Variants in VDAC1 observed in about 807,000 individuals in gnomAD.
The protein encoded by VDAC1 is voltage dependent anion channel 1.
A neutral mutation model predicts 34.7 loss-of-function variants in VDAC1; 10 were observed. That is an observed-to-expected ratio of 0.29 (90% CI 0.18 to 0.49). The LOEUF (loss-of-function observed/expected upper bound fraction) is 0.49, where lower values mean the gene tolerates loss of function less well. VDAC1 is among the 20% of genes least tolerant of loss of function. The pLI is 0.99. For synonymous variants in VDAC1, 130 were observed against 136.0 expected, an observed-to-expected ratio of 0.96 and a Z score of 0.30; for missense variants, 230 against 347.9, an observed-to-expected ratio of 0.66 and a Z score of 2.69.
chr5:134,034,793 A>G, the VDAC1 span, among the ~76,000 whole-genome samples: 1 of 150,396 alleles, frequency 6.6e-6, no homozygotes, highest in East Asian at 2.0e-4. Context: ...AGCTGCGAGT[A>G]AGGAAAGGAG....
the VDAC1 span, among the ~76,000 whole-genome samples, chr5:134,011,952 A>G: frequency 6.6e-6 from 1 of 152,006 alleles, no homozygotes; most frequent in African/African-American, 2.4e-5. Context: ...CAGTTCTTAT[A>G]AGAGGAAGAC....
chr5:134,073,795 C>G, the VDAC1 span, among the ~76,000 whole-genome samples: 7 of 151,730 alleles, frequency 4.6e-5, no homozygotes, highest in Admixed American at 3.3e-4. Flanking sequence ...CTGAATAATA[C>G]ATATAACTCA....
chr5:134,001,467 C>T (rs910975093), intron 1 of VDAC1, among the ~76,000 whole-genome samples: 6 of 152,000 alleles, frequency 3.9e-5, no homozygotes, highest in Non-Finnish European at 7.4e-5. Flanking sequence ...CTGCAATCCC[C>T]GCACTTTAGG....
intron 5 of VDAC1, among the ~76,000 whole-genome samples, chr5:133,983,501 G>T (rs1415334899): frequency 6.6e-6 from 1 of 151,774 alleles, no homozygotes; most frequent in Non-Finnish European, 1.5e-5. Flanking sequence ...ATAGAATGAG[G>T]GTTAAACATA....
the VDAC1 span, among the ~76,000 whole-genome samples, chr5:134,080,921 G>GA: frequency 6.6e-6 from 1 of 151,840 alleles, no homozygotes; most frequent in Non-Finnish European, 1.5e-5. Flanking sequence ...CTCTTGCCCA[G>GA]GCTAGAGGGC....
the VDAC1 span, among the ~76,000 whole-genome samples, chr5:134,047,482 G>A: frequency 6.6e-6 from 1 of 152,180 alleles, no homozygotes; most frequent in East Asian, 1.9e-4. Flanking sequence ...ATGGGAGAGA[G>A]GACAAATGCT....
At chr5:134,078,321 CA>C in the VDAC1 span, among the ~76,000 whole-genome samples, 38 of 152,230 alleles carry the variant, frequency 2.5e-4, no homozygotes, top group African/African-American at 8.2e-4. Flanking sequence ...TGGGGCAGGA[CA>C]GGGGGGAGGC....
At chr5:134,085,113 G>A in the VDAC1 span, among the ~76,000 whole-genome samples, 1 of 150,398 alleles carries the variant, frequency 6.6e-6, no homozygotes, top group Non-Finnish European at 1.5e-5. Flanking sequence ...CTGCTGCCCA[G>A]GCTGGAGTGC....
chr5:134,086,038 C>CA, the VDAC1 span, among the ~76,000 whole-genome samples: 4 of 152,046 alleles, frequency 2.6e-5, no homozygotes, highest in African/African-American at 9.6e-5. Context: ...ACTAAAAATA[C>CA]AAAAAAATGT....
the VDAC1 span, among the ~76,000 whole-genome samples, chr5:134,044,258 G>A: frequency 6.6e-6 from 1 of 152,170 alleles, no homozygotes; most frequent in Non-Finnish European, 1.5e-5. Context: ...CTTGCTGGGG[G>A]CCAACTCAGA....
chr5:133,978,882 A>G (rs569977956), intron 6 of VDAC1, among the ~76,000 whole-genome samples: 3 of 152,218 alleles, frequency 2.0e-5, no homozygotes, highest in East Asian at 3.9e-4. Context: ...GTGTGGTGGC[A>G]TGCACCTGTA....
intron 1 of VDAC1, among the ~76,000 whole-genome samples, chr5:133,998,778 C>T (rs753759009): frequency 2.0e-5 from 3 of 152,214 alleles, no homozygotes; most frequent in Admixed American, 6.5e-5. Context: ...AAATCATGAG[C>T]AGGAAAGAGC....
chr5:134,040,352 G>A, the VDAC1 span, among the ~76,000 whole-genome samples: 623 of 152,172 alleles, frequency 4.1e-3, 5 homozygotes, highest in African/African-American at 0.012. Context: ...CGAGGTGGGC[G>A]GATCACGAGG....
chr5:134,078,352 T>G, the VDAC1 span, among the ~76,000 whole-genome samples: 1 of 151,954 alleles, frequency 6.6e-6, no homozygotes, highest in Non-Finnish European at 1.5e-5. Context: ...GGCTGAAAGT[T>G]GAGAGTTGGT....
chr5:134,053,616 C>T, the VDAC1 span, among the ~76,000 whole-genome samples: 1 of 152,206 alleles, frequency 6.6e-6, no homozygotes, highest in Non-Finnish European at 1.5e-5. Flanking sequence ...GACACCCCAT[C>T]CTGTCCCCCT....
chr5:134,058,475 G>A, the VDAC1 span, among the ~76,000 whole-genome samples: 11 of 151,898 alleles, frequency 7.2e-5, no homozygotes, highest in Non-Finnish European at 1.0e-4. Flanking sequence ...CACCACACCC[G>A]GCTAATTTTT....
rs370824654 is a variant in VDAC1, at chr5:133,972,880, A to G, written c.761-18T>C. 8 of 1,597,274 alleles carry G rather than the reference A, an allele frequency of 5.0e-6. No homozygotes were observed. The highest frequency in any genetic ancestry group is 6.9e-6 in the Non-Finnish European group (8 of 1,166,850). Reference sequence around the variant, plus strand: ...TTTAATACCTGCAGGGAGAAAAATGAGGGAGAGGAAAGGAGGAGGAATGGA... The same window carrying G: ...TTTAATACCTGCAGGGAGAAAAATGGGGGAGAGGAAAGGAGGAGGAATGGA... On this transcript the variant is annotated intron_variant, in intron 8 of 8. Coordinates refer to ENST00000265333, the MANE Select transcript of VDAC1 (RefSeq NM_003374.3).
chr5:134,024,231 G>T, the VDAC1 span, among the ~76,000 whole-genome samples: 2 of 151,902 alleles, frequency 1.3e-5, no homozygotes, highest in Admixed American at 1.3e-4. Context: ...TGGATTGCCT[G>T]CAAAACTGGT....
chr5:134,017,033 T>G, the VDAC1 span, among the ~76,000 whole-genome samples: 2 of 152,136 alleles, frequency 1.3e-5, no homozygotes, highest in African/African-American at 4.8e-5. Context: ...GGCTGGTGCC[T>G]TCTCATTCTC....
Sources: gnomAD v4.1 joint callset for allele counts (sites outside exome capture counted in the v4.1 genomes callset) on GRCh38, gnomAD v4.1.1 for gene constraint, MANE v1.5 for transcripts, NCBI Gene and HGNC (gene_info 2026-07-23, HGNC 2026-07-21) for gene names.